SRGAP1: variants seen among roughly 807,000 people sequenced by gnomAD.
SRGAP1 encodes the protein SLIT-ROBO Rho GTPase-activating protein 1.
A neutral mutation model predicts 121.9 loss-of-function variants in SRGAP1; 43 were observed. The ratio of observed to expected loss-of-function variants is 0.35; its 90% CI spans 0.28 to 0.46. The LOEUF is 0.46. Among genes scored for constraint, SRGAP1 ranks in the 20% least tolerant of loss-of-function variants. The pLI, the probability that SRGAP1 is intolerant of heterozygous loss-of-function variation, is 1.00. For synonymous variants in SRGAP1, 447 were observed against 485.4 expected (o/e 0.92, Z 1.04); for missense variants, 1,102 against 1,350.9 (o/e 0.82, Z 2.89).
intron 1 of SRGAP1, among the ~76,000 whole-genome samples, chr12:63,955,330 T>G (rs971825774): frequency 3.9e-5 from 6 of 151,970 alleles, no homozygotes; most frequent in African/African-American, 7.3e-5. Context: ...AGAAAAAAAA[T>G]AAATAAAAAT....
At chr12:64,050,057 GT>G (rs2035210373) in intron 6 of SRGAP1, among the ~76,000 whole-genome samples, 1 of 152,038 alleles carries the variant, frequency 6.6e-6, no homozygotes, top group Non-Finnish European at 1.5e-5. Context: ...TGTATTTTCA[GT>G]TTCTTGCATC....
intron 15 of SRGAP1, among the ~76,000 whole-genome samples, chr12:64,102,460 G>A (rs1288913536): frequency 3.9e-5 from 6 of 152,066 alleles, no homozygotes; most frequent in African/African-American, 1.4e-4. Context: ...GTGGTTTTTA[G>A]TATAGTCACA....
chr12:63,848,229 C>T (rs1174898106), intron 1 of SRGAP1, among the ~76,000 whole-genome samples: 2 of 151,968 alleles, frequency 1.3e-5, no homozygotes, highest in Non-Finnish European at 2.9e-5. Flanking sequence ...TGGTCTCGAA[C>T]TCCTGACCTC....
chr12:63,942,582 A>C (rs578185991), intron 1 of SRGAP1, among the ~76,000 whole-genome samples: 1 of 152,258 alleles, frequency 6.6e-6, no homozygotes, highest in South Asian at 2.1e-4. Context: ...GATCTTCAGA[A>C]GAGTTTTTTC....
chr12:63,946,696 A>T (rs2032060441), intron 1 of SRGAP1, among the ~76,000 whole-genome samples: 1 of 151,410 alleles, frequency 6.6e-6, no homozygotes, highest in Admixed American at 6.6e-5. Context: ...GGCATGCACC[A>T]CCATGCCCGG....
chr12:63,923,431 G>T (rs1270040991), intron 1 of SRGAP1, among the ~76,000 whole-genome samples: 1 of 152,070 alleles, frequency 6.6e-6, no homozygotes, highest in African/African-American at 2.4e-5. Flanking sequence ...GGGGTGATTA[G>T]GATAAGGAAA....
intron 18 of SRGAP1, among the ~76,000 whole-genome samples, chr12:64,119,681 T>G (rs182592347): frequency 1.4e-3 from 212 of 151,924 alleles, no homozygotes; most frequent in Middle Eastern, 3.4e-3. Context: ...TTTAGCTATA[T>G]GCACAAATTC....
At chr12:63,996,229 A>G (rs922099043) in intron 3 of SRGAP1, among the ~76,000 whole-genome samples, 2 of 152,086 alleles carry the variant, frequency 1.3e-5, no homozygotes, top group African/African-American at 4.8e-5. Context: ...CACTATTTAT[A>G]TGTGTATACA....
intron 1 of SRGAP1, among the ~76,000 whole-genome samples, chr12:63,853,467 G>A (rs1431305042): frequency 6.6e-6 from 1 of 152,180 alleles, no homozygotes; most frequent in Non-Finnish European, 1.5e-5. Flanking sequence ...TACATGCAAT[G>A]TTATGCAGTC....
chr12:63,894,582 C>T (rs1900692135), intron 1 of SRGAP1, among the ~76,000 whole-genome samples: 1 of 151,924 alleles, frequency 6.6e-6, no homozygotes. Flanking sequence ...ATTAACTCTC[C>T]ATTTACATTA....
At chr12:63,945,940 C>G (rs1324798738) in intron 1 of SRGAP1, among the ~76,000 whole-genome samples, 5 of 151,986 alleles carry the variant, frequency 3.3e-5, no homozygotes, top group Admixed American at 6.6e-5. Flanking sequence ...CTAGTTCACC[C>G]ACACATACCT....
At chr12:64,035,272 G>A (rs2034878578) in intron 4 of SRGAP1, among the ~76,000 whole-genome samples, 2 of 151,948 alleles carry the variant, frequency 1.3e-5, no homozygotes, top group Admixed American at 1.3e-4. Flanking sequence ...TGATTACAAA[G>A]AAGCCTGGGA....
At chr12:64,077,866 CA>C (rs1372870734) in intron 8 of SRGAP1, among the ~76,000 whole-genome samples, 1 of 152,068 alleles carries the variant, frequency 6.6e-6, no homozygotes, top group Non-Finnish European at 1.5e-5. Context: ...GCAACACATA[CA>C]ACTACAAAAA....
At chr12:64,092,845 G>T (rs1300618477) in intron 12 of SRGAP1, among the ~76,000 whole-genome samples, 1 of 152,104 alleles carries the variant, frequency 6.6e-6, no homozygotes, top group African/African-American at 2.4e-5. Flanking sequence ...AATACAGTAC[G>T]AGAATGGCTG....
chr12:64,003,607 A>C (rs1384074299), intron 3 of SRGAP1, among the ~76,000 whole-genome samples: 1 of 152,078 alleles, frequency 6.6e-6, no homozygotes, highest in Non-Finnish European at 1.5e-5. Flanking sequence ...GGGAAGAATC[A>C]GTGTATATGA....
At chr12:63,865,228 G>A (rs1350257375) in intron 1 of SRGAP1, among the ~76,000 whole-genome samples, 1 of 152,090 alleles carries the variant, frequency 6.6e-6, no homozygotes, top group South Asian at 2.1e-4. Context: ...AGGCTGAGGC[G>A]GGCAGATCAC....
chr12:63,859,427 A>G (rs754905086), intron 1 of SRGAP1, among the ~76,000 whole-genome samples: 4 of 152,140 alleles, frequency 2.6e-5, no homozygotes, highest in Non-Finnish European at 5.9e-5. Flanking sequence ...TCAGCCTCCT[A>G]AAGTGCTGGG....
At chr12:64,065,943 C>T (rs1460521025) in intron 8 of SRGAP1, among the ~76,000 whole-genome samples, 1 of 152,160 alleles carries the variant, frequency 6.6e-6, no homozygotes, top group Non-Finnish European at 1.5e-5. Context: ...ATATGTTGAG[C>T]TAGGAAGCAA....
rs186539702 is a variant in SRGAP1, at chr12:64,030,696, C to T, written c.490-12094C>T. On this transcript the variant is annotated intron_variant, in intron 4 of 21. Coordinates refer to ENST00000355086, the MANE Select transcript of SRGAP1 (RefSeq NM_020762.4). ...GTCAGCCCACACAGACCAAATAGCT[C>T]CTGGGTTTTCCTCCTTAATGAGCAC... Among the ~76,000 whole-genome samples, 392 of 152,264 alleles carry T rather than the reference C, an allele frequency of 2.6e-3. 1 individual carries two copies. Among genetic ancestry groups the T allele is most frequent in the Non-Finnish European group, 2.4e-3 (166 of 68,014 alleles).
Sources: allele counts gnomAD v4.1 joint callset (sites outside exome capture counted in the v4.1 genomes callset), GRCh38; gene constraint gnomAD v4.1.1; transcripts MANE v1.5; gene names NCBI Gene and HGNC (gene_info 2026-07-23, HGNC 2026-07-21).